KPNA4: variants seen among roughly 807,000 people sequenced by gnomAD.
The protein encoded by KPNA4 is karyopherin subunit alpha 4, also known as importin subunit alpha-3.
A neutral mutation model predicts 71.3 loss-of-function variants in KPNA4; 13 were observed. The observed-to-expected ratio is 0.18, with a 90% CI of 0.12 to 0.29. The LOEUF (loss-of-function observed/expected upper bound fraction) is 0.29, where lower values mean the gene tolerates loss of function less well. Among genes scored for constraint, KPNA4 ranks in the 10% least tolerant of loss-of-function variants. The probability of loss-of-function intolerance (pLI) is 1.00; values close to 1 mark genes in which losing one functional copy is unlikely to be tolerated. For synonymous variants in KPNA4, 189 were observed against 195.2 expected, an observed-to-expected ratio of 0.97 and a Z score of 0.26; for missense variants, 334 against 603.2, an observed-to-expected ratio of 0.55 and a Z score of 4.67.
chr3:160,556,023 G>A (rs1722129127), intron 1 of KPNA4, among the ~76,000 whole-genome samples: 1 of 152,116 alleles, frequency 6.6e-6, no homozygotes, highest in Non-Finnish European at 1.5e-5. Flanking sequence ...TAGAGACGGG[G>A]TTTCTCCATG....
intron 13 of KPNA4, among the ~76,000 whole-genome samples, chr3:160,512,132 T>C (rs996292014): frequency 6.6e-6 from 1 of 152,164 alleles, no homozygotes; most frequent in African/African-American, 2.4e-5. Flanking sequence ...ATCACCTTTA[T>C]AGCTGAAATA....
At chr3:160,554,659 C>T (rs1389216427) in intron 1 of KPNA4, among the ~76,000 whole-genome samples, 1 of 152,126 alleles carries the variant, frequency 6.6e-6, no homozygotes, top group Non-Finnish European at 1.5e-5. Context: ...ACCCTCCAAC[C>T]TCTGGGGAGG....
At position 160,501,000 on chromosome 3, in the gene KPNA4, T is replaced by C. The variant is rs1397301691; in HGVS notation, c.*1104A>G. ...GCTGTAGATTTACCTCATGCAAAGA[T>C]CTTTATGTTATCTCTGAAAATGAAA... On this transcript the variant is annotated 3_prime_UTR_variant, in exon 17 of 17. Coordinates refer to ENST00000334256, the MANE Select transcript of KPNA4 (RefSeq NM_002268.5). The C allele has an allele frequency of 6.6e-6, 1 of 152,548 alleles. No homozygotes were observed. The highest frequency in any genetic ancestry group is 1.5e-5 in the Non-Finnish European group (1 of 68,014). The allele number at this position is 152,548 out of a possible 1,614,324, so 9.4% of individuals were successfully genotyped here.
chr3:160,504,772 T>G (rs536460209), intron 16 of KPNA4, among the ~76,000 whole-genome samples, 186 bp downstream of exon 16: 1 of 152,200 alleles, frequency 6.6e-6, no homozygotes, highest in Non-Finnish European at 1.5e-5. Flanking sequence ...AGAGCTAATA[T>G]GCCCTGAAGG....
At chr3:160,551,323 C>G (rs1722036485) in intron 1 of KPNA4, among the ~76,000 whole-genome samples, 1 of 152,164 alleles carries the variant, frequency 6.6e-6, no homozygotes, top group African/African-American at 2.4e-5. Flanking sequence ...AAAGTAAAAA[C>G]ACTGTCTTAC....
chr3:160,508,196 A>C lies in KPNA4; in HGVS notation c.1283T>G (p.Val428Gly). The C allele has an allele frequency of 6.2e-7, 1 of 1,612,772 alleles. No individual in the cohort carries two copies. The highest frequency in any genetic ancestry group is 8.5e-7 in the Non-Finnish European group (1 of 1,179,460). The change falls in exon 15 of 17, where the codon GTG becomes GGG. Residue 428 changes from valine to glycine, a missense_variant. Transcript: ENST00000334256. ...ACTTAGTCCATCGAGTACTACTTGC[A>C]CAACTTGTGCATCTTTTACAGTCAG... ...NLLTVKDAQV[V>G]QVVLDGLSNI...
chr3:160,534,718 G>GA (rs544384718), intron 5 of KPNA4, among the ~76,000 whole-genome samples: 1,033 of 73,070 alleles, frequency 0.014, 32 homozygotes, highest in Non-Finnish European at 0.02. Flanking sequence ...CTCCATCTCA[G>GA]AAAAAAAAAA....
intron 7 of KPNA4, among the ~76,000 whole-genome samples, chr3:160,530,404 G>C (rs1172790105): frequency 4.6e-5 from 7 of 152,152 alleles, no homozygotes; most frequent in Admixed American, 4.6e-4. Flanking sequence ...TCTTGAGCCT[G>C]GGAGGCCGAG....
At chr3:160,515,330 T>C in intron 12 of KPNA4, 122 bp downstream of exon 12, 6 of 946,492 alleles carry the variant, frequency 6.3e-6, no homozygotes, top group Non-Finnish European at 3.1e-6. Context: ...TTTCTCTTGA[T>C]GTCTAAATGA....
intron 1 of KPNA4, among the ~76,000 whole-genome samples, chr3:160,551,946 G>T (rs941544687): frequency 1.5e-4 from 21 of 143,528 alleles, no homozygotes; most frequent in South Asian, 4.8e-4. Flanking sequence ...AACTGGGGGG[G>T]GGGGGGTGAT....
At chr3:160,545,000 G>A (rs954146337) in intron 1 of KPNA4, among the ~76,000 whole-genome samples, 9 of 152,182 alleles carry the variant, frequency 5.9e-5, no homozygotes, top group African/African-American at 2.2e-4. Flanking sequence ...TATGGAGAAA[G>A]GAACTATGGC....
intron 14 of KPNA4, among the ~76,000 whole-genome samples, chr3:160,509,443 AT>A (rs1227027253): frequency 6.6e-6 from 1 of 152,188 alleles, no homozygotes; most frequent in African/African-American, 2.4e-5. Flanking sequence ...AGGGGCCTCA[AT>A]TTTACCATGG....
intron 15 of KPNA4, among the ~76,000 whole-genome samples, chr3:160,506,253 C>A (rs1720982427): frequency 6.6e-6 from 1 of 152,122 alleles, no homozygotes. Context: ...ACTGCAGCCT[C>A]TGCCTCCTGG....
chr3:160,530,541 G>A (rs75365293), intron 7 of KPNA4, among the ~76,000 whole-genome samples: 92 of 152,082 alleles, frequency 6.0e-4, no homozygotes, highest in Middle Eastern at 3.4e-3. Context: ...GAGGCAATGT[G>A]GCAACAGGAA....
At chr3:160,564,843 C>G (rs1316206250) in intron 1 of KPNA4, among the ~76,000 whole-genome samples, 1 of 151,204 alleles carries the variant, frequency 6.6e-6, no homozygotes, top group Non-Finnish European at 1.5e-5. Context: ...GGAATCTCCG[C>G]CACTGCCGGG....
intron 13 of KPNA4, among the ~76,000 whole-genome samples, chr3:160,513,126 C>T (rs1385576390): frequency 6.6e-6 from 1 of 151,836 alleles, no homozygotes; most frequent in African/African-American, 2.4e-5. Flanking sequence ...TTGTGCATGA[C>T]ATATTCTTGC....
In KPNA4 at chr3:160,498,581, T is replaced by A. The variant is rs1720814053; in HGVS notation, c.*3523A>T. Reference sequence around the variant, plus strand: ...AAGGGAGATCACCCTGGTGGGTAGGTGGCCTGATCTAATCAGGTGAGACCT... The same window carrying A: ...AAGGGAGATCACCCTGGTGGGTAGGAGGCCTGATCTAATCAGGTGAGACCT... On this transcript the variant is annotated 3_prime_UTR_variant, in exon 17 of 17. Transcript: ENST00000334256. 6.6e-6 allele frequency: 1 copy of A among 152,210 alleles called. No homozygotes were observed. Among genetic ancestry groups the A allele is most frequent in the African/African-American group, 2.4e-5 (1 of 41,456 alleles). 9.4% of individuals were successfully genotyped at this position (152,210 alleles called of 1,614,324 possible).
At chr3:160,552,037 A>G (rs1385481571) in intron 1 of KPNA4, among the ~76,000 whole-genome samples, 3 of 150,800 alleles carry the variant, frequency 2.0e-5, no homozygotes, top group Admixed American at 6.7e-5. Context: ...CCATCCCCCA[A>G]CAAATTATCT....
At chr3:160,516,762 A>G (rs1356874408) in intron 11 of KPNA4, among the ~76,000 whole-genome samples, 1 of 151,998 alleles carries the variant, frequency 6.6e-6, no homozygotes, top group Non-Finnish European at 1.5e-5. Context: ...ACAGAGTAAG[A>G]CCCTGTCAAA....
Sources: gnomAD v4.1 joint callset for allele counts (sites outside exome capture counted in the v4.1 genomes callset) on GRCh38, gnomAD v4.1.1 for gene constraint, MANE v1.5 for transcripts, NCBI Gene and HGNC (gene_info 2026-07-23, HGNC 2026-07-21) for gene names.